Variants in UBE4B observed in about 807,000 individuals in gnomAD.
UBE4B encodes the protein ubiquitin conjugation factor E4 B.
In UBE4B, 27 loss-of-function variants were observed where a neutral mutation model predicts 148.1. The observed-to-expected ratio is 0.18, with a 90% CI of 0.13 to 0.25. UBE4B has a LOEUF of 0.25. UBE4B is among the 10% of genes least tolerant of loss of function. The pLI, the probability that UBE4B is intolerant of heterozygous loss-of-function variation, is 1.00. For missense variants in UBE4B, 1,170 were observed against 1,662.4 expected, an observed-to-expected ratio of 0.70 and a Z score of 5.15; for synonymous variants, 596 against 619.3, an observed-to-expected ratio of 0.96 and a Z score of 0.56.
chr1:10,129,206 A>T, intron 11 of UBE4B, 186 bp from the exon 12 acceptor site: 1 of 496,300 alleles, frequency 2.0e-6, no homozygotes, highest in Non-Finnish European at 3.6e-6. Context: ...TCAAGTTTTC[A>T]CATTGCATGT....
chr1:10,179,706 A>G lies in UBE4B; in HGVS notation c.3847+144A>G, dbSNP rs1571048243. 7 of 1,433,600 alleles carry G rather than the reference A, an allele frequency of 4.9e-6. No homozygotes were observed. The East Asian group carries it at 1.7e-4, about 34-fold the overall frequency. 88.8% of individuals were successfully genotyped at this position (1,433,600 alleles called of 1,614,324 possible). On this transcript the variant is annotated intron_variant, in intron 27 of 27. Transcript: ENST00000343090. ...TATGACACTCTGTAGCAAAGACCCAAAACACTCTTGGCCCTTTTTCCCTGC... is the reference window on the plus strand; with the variant it reads ...TATGACACTCTGTAGCAAAGACCCAGAACACTCTTGGCCCTTTTTCCCTGC...
At position 10,135,009 on chromosome 1, in the gene UBE4B, A is replaced by G; in HGVS notation, c.2047A>G (p.Thr683Ala). The change falls in exon 16 of 28, where the codon ACA becomes GCA. Residue 683 changes from threonine to alanine, a missense_variant. Thr to Ala is a moderately conservative substitution (Grantham distance 58, BLOSUM62 0). This residue lies in a region of UBE4B where 388 missense variants were observed against 536.0 expected (regional missense o/e 0.72). Transcript: ENST00000343090. ...ACAGACAGATGATAGATTGGTGTCT[A>G]CAGATGGATTTATGCTGAATTTCCT... ...QMQTDDRLVS[T>A]DGFMLNFLWV... 3.7e-6 allele frequency: 6 copies of G among 1,614,144 alleles called. No individual in the cohort carries two copies. The highest frequency in any genetic ancestry group is 3.3e-5 in the South Asian group (3 of 91,086).
Position 10,154,825 on chromosome 1 carries a change from A to G in UBE4B, c.2926+3264A>G, listed in dbSNP as rs536532962. 1.6e-4 allele frequency among the ~76,000 whole-genome samples: 25 copies of G among 152,082 alleles called. No homozygotes were observed. The South Asian group carries it at 3.5e-3, about 21-fold the overall frequency. On this transcript the variant is annotated intron_variant, in intron 21 of 27. Transcript: ENST00000343090. The stretch of plus-strand genomic sequence containing the variant: ...CCATTGCACTCCAGCCTGGGCTACA[A>G]GAGCAAATCTCCATCTCAAAAAAAA...
intron 21 of UBE4B, among the ~76,000 whole-genome samples, chr1:10,152,713 G>A (rs1390962031): frequency 1.3e-5 from 2 of 151,866 alleles, no homozygotes; most frequent in Non-Finnish European, 2.9e-5. Context: ...CACGAGAATC[G>A]AGTGAACCTA....
intron 25 of UBE4B, among the ~76,000 whole-genome samples, chr1:10,176,250 G>A (rs1241490175): frequency 1.5e-4 from 23 of 152,268 alleles, no homozygotes; most frequent in Admixed American, 1.5e-3. Flanking sequence ...CTCATCCATT[G>A]ATAGACATTT....
At chr1:10,038,057 G>A (rs1250121564) in intron 1 of UBE4B, among the ~76,000 whole-genome samples, 2 of 151,948 alleles carry the variant, frequency 1.3e-5, no homozygotes, top group Non-Finnish European at 2.9e-5. Flanking sequence ...GAGGTGGGTG[G>A]ATCACCTGAG....
chr1:10,162,749 A>G (rs1407054139), intron 23 of UBE4B, among the ~76,000 whole-genome samples: 1 of 151,710 alleles, frequency 6.6e-6, no homozygotes, highest in East Asian at 1.9e-4. Flanking sequence ...TGAGCATAAT[A>G]CCTAATAGGT....
intron 17 of UBE4B, among the ~76,000 whole-genome samples, chr1:10,140,773 G>C (rs1382385723): frequency 6.6e-6 from 1 of 152,194 alleles, no homozygotes; most frequent in Non-Finnish European, 1.5e-5. Flanking sequence ...CATAGTTGGG[G>C]TGTGTATATG....
At position 10,161,342 on chromosome 1, in the gene UBE4B, C is replaced by T. The variant is rs913421020; in HGVS notation, c.3198+56C>T. ...TTTGCAGGCCATCTGCCTCCACACACGGGCAGAGCTGCTTTGGGGCTGCAT... is the reference window on the plus strand; with the variant it reads ...TTTGCAGGCCATCTGCCTCCACACATGGGCAGAGCTGCTTTGGGGCTGCAT... On this transcript the variant is annotated intron_variant, in intron 23 of 27. Transcript: ENST00000343090. This position sits in a 1 kb window ranked among gnomAD's most constrained non-coding sequence, Gnocchi z 4.1. 75 of 1,581,410 alleles carry T rather than the reference C, an allele frequency of 4.7e-5. No homozygotes were observed. Among genetic ancestry groups the T allele is most frequent in the South Asian group, 1.4e-4 (12 of 87,960 alleles).
intron 25 of UBE4B, among the ~76,000 whole-genome samples, chr1:10,174,251 G>A (rs1438137608): frequency 3.3e-5 from 5 of 151,592 alleles, no homozygotes; most frequent in Admixed American, 6.6e-5. Flanking sequence ...AAAATTAGCC[G>A]GGCACAGTGG....
intron 7 of UBE4B, among the ~76,000 whole-genome samples, chr1:10,113,659 A>G (rs1020353337): frequency 2.6e-5 from 4 of 152,200 alleles, no homozygotes; most frequent in Admixed American, 1.3e-4. Flanking sequence ...TGGCAGTTGC[A>G]TGAGCCAGCG....
intron 2 of UBE4B, among the ~76,000 whole-genome samples, chr1:10,083,801 C>T (rs1038639432): frequency 6.6e-6 from 1 of 152,136 alleles, no homozygotes; most frequent in Non-Finnish European, 1.5e-5. Flanking sequence ...GGCATGGGTA[C>T]TTCCTCGAAT....
chr1:10,175,476 C>T (rs920498163), intron 25 of UBE4B, among the ~76,000 whole-genome samples: 8 of 148,130 alleles, frequency 5.4e-5, no homozygotes, highest in Non-Finnish European at 1.0e-4. Flanking sequence ...ACGGTGAAAC[C>T]CCATCTCTAC....
rs6678222 is a variant in UBE4B, at chr1:10,098,284, A to G, written c.347+2688A>G. Among the ~76,000 whole-genome samples the G allele has an allele frequency of 4.6e-3, 697 of 152,314 alleles. 3 individuals are homozygous for G. The highest frequency in any genetic ancestry group is 0.01 in the Middle Eastern group (3 of 294). On this transcript the variant is annotated intron_variant, in intron 3 of 27. Transcript: ENST00000343090. ...AGAAAATCTATAAATATCATCTACC[A>G]TATTGCATGTTAAAAAGAAAATCCT...
chr1:10,079,000 G>T (rs1644630332), intron 2 of UBE4B, among the ~76,000 whole-genome samples: 1 of 150,666 alleles, frequency 6.6e-6, no homozygotes, highest in South Asian at 2.1e-4. Context: ...AATTTTTTTT[G>T]TAGAGATGAA....
In UBE4B at chr1:10,117,497, A is replaced by G. The variant is rs777596249; in HGVS notation, c.1235A>G (p.Tyr412Cys). 6.2e-6 allele frequency: 10 copies of G among 1,612,882 alleles called. No individual in the cohort carries two copies. Among genetic ancestry groups the G allele is most frequent in the South Asian group, 5.5e-5 (5 of 90,972 alleles). Residue 412 changes from tyrosine (Y) to cysteine (C), a missense_variant, in exon 8 of 28, where the codon TAC (tyrosine) becomes TGC (cysteine). By Grantham distance (194) the Tyr-to-Cys change is radical. Coordinates refer to ENST00000343090, the MANE Select transcript of UBE4B (RefSeq NM_001105562.3). ...GGTGGAGCAAGTAATTGGGATTCCTACAGTGACCATTTCACCATTGAAACC... is the reference window on the plus strand; with the variant it reads ...GGTGGAGCAAGTAATTGGGATTCCTGCAGTGACCATTTCACCATTGAAACC... The part of the protein sequence containing the change: ...ASGGASNWDS[Y>C]SDHFTIETCK...
chr1:10,077,499 G>A (rs1644604357), intron 2 of UBE4B, among the ~76,000 whole-genome samples: 1 of 152,184 alleles, frequency 6.6e-6, no homozygotes, highest in Middle Eastern at 3.2e-3. Flanking sequence ...TGTAAGGTTA[G>A]GCAGGAGCCT....
At chr1:10,049,293 C>T (rs1365176837) in intron 1 of UBE4B, among the ~76,000 whole-genome samples, 1 of 152,128 alleles carries the variant, frequency 6.6e-6, no homozygotes, top group Admixed American at 6.5e-5. Context: ...CAGGCTGCAG[C>T]TGGGGACACA....
chr1:10,095,496 A>T lies in UBE4B; in HGVS notation c.247A>T (p.Ser83Cys). The change falls in exon 3 of 28, where the codon AGT becomes TGT. Residue 83 changes from serine to cysteine, a missense_variant. This residue lies in a region of UBE4B where 127 missense variants were observed against 153.2 expected (regional missense o/e 0.83). Transcript: ENST00000343090. ...TCGAAGCCAGAGCAGTGAAGGAGTCAGTTCTCTCAGCAGCTCGCCCTCTAA... is the reference window on the plus strand; with the variant it reads ...TCGAAGCCAGAGCAGTGAAGGAGTCTGTTCTCTCAGCAGCTCGCCCTCTAA... ...AHRSQSSEGV[S>C]SLSSSPSNSL... The T allele has an allele frequency of 6.2e-7, 1 of 1,614,166 alleles. No individual in the cohort carries two copies. Among genetic ancestry groups the T allele is most frequent in the Non-Finnish European group, 8.5e-7 (1 of 1,180,028 alleles).
Sources: allele counts gnomAD v4.1 joint callset (sites outside exome capture counted in the v4.1 genomes callset), GRCh38; gene constraint gnomAD v4.1.1; regional missense constraint gnomAD v4.1.1; non-coding constraint Gnocchi (gnomAD v3.1); transcripts MANE v1.5; gene names NCBI Gene and HGNC (gene_info 2026-07-23, HGNC 2026-07-21).